Variants in PCGF3 observed in about 807,000 individuals in gnomAD.
The protein encoded by PCGF3 is polycomb group ring finger 3, also known as polycomb group RING finger protein 3.
PCGF3 carries 7 observed loss-of-function variants against 33.1 expected under a neutral mutation model. The ratio of observed to expected loss-of-function variants is 0.21; its 90% confidence interval spans 0.12 to 0.40. The LOEUF (loss-of-function observed/expected upper bound fraction) is 0.40, where lower values mean the gene tolerates loss of function less well. PCGF3 is among the 10% of genes least tolerant of loss of function. The probability of loss-of-function intolerance (pLI) is 1.00; values close to 1 mark genes in which losing one functional copy is unlikely to be tolerated. For missense variants in PCGF3, 211 were observed against 313.3 expected, an observed-to-expected ratio of 0.67 and a Z score of 2.46; for synonymous variants, 153 against 121.3, an observed-to-expected ratio of 1.26 and a Z score of -1.72.
chr4:760,716 C>T (rs376460703), intron 8 of PCGF3, among the ~76,000 whole-genome samples: 1 of 152,224 alleles, frequency 6.6e-6, no homozygotes, highest in South Asian at 2.1e-4. Flanking sequence ...GGTGAAGCCT[C>T]GTCCTGGGCA....
At chr4:709,101 A>G (rs1240056573) in intron 1 of PCGF3, among the ~76,000 whole-genome samples, 1 of 152,176 alleles carries the variant, frequency 6.6e-6, no homozygotes, top group Non-Finnish European at 1.5e-5. Flanking sequence ...GTCTAGTGAC[A>G]TCTTGTCAGG....
At chr4:753,747 A>T (rs960424019) in intron 8 of PCGF3, among the ~76,000 whole-genome samples, 1 of 152,116 alleles carries the variant, frequency 6.6e-6, no homozygotes, top group African/African-American at 2.4e-5. Context: ...CAGGAGTGCG[A>T]GACCAGCCTG....
rs28668630 is a variant in PCGF3 at position 707,682 on chromosome 4, T to C, written c.-190+1712T>C. Among the ~76,000 whole-genome samples, 186 of 51,958 alleles carry C rather than the reference T, an allele frequency of 3.6e-3. 2 individuals carry two copies. The highest frequency in any genetic ancestry group is 4.5e-3 in the Non-Finnish European group (104 of 23,344). 34.1% of individuals were successfully genotyped at this position (51,958 alleles called of 152,430 possible). A position where few individuals can be genotyped will look rare whatever the true frequency, so the allele number is the denominator to read the frequency against. On this transcript the variant is annotated intron_variant, in intron 1 of 10. Transcript: ENST00000362003. ...CTGGGGGTCGGGACCCTGGGACAGCTCTGTTTTCCCCTGGGGGCCGGGACC... is the reference window on the plus strand; with the variant it reads ...CTGGGGGTCGGGACCCTGGGACAGCCCTGTTTTCCCCTGGGGGCCGGGACC...
Position 734,686 on chromosome 4 carries a change from C to G in PCGF3, c.110-245C>G, listed in dbSNP as rs116463821. 1.9e-3 allele frequency: 2,435 copies of G among 1,313,610 alleles called. 4 individuals carry two copies. Among genetic ancestry groups the G allele is most frequent in the Non-Finnish European group, 2.2e-3 (2,297 of 1,030,248 alleles). 81.4% of individuals were successfully genotyped at this position (1,313,610 alleles called of 1,614,324 possible). A position where few individuals can be genotyped will look rare whatever the true frequency, so the allele number is the denominator to read the frequency against. On this transcript the variant is annotated intron_variant, in intron 4 of 10. Transcript: ENST00000362003. The stretch of plus-strand genomic sequence containing the variant: ...TCATCTCCCCATTCTAAGTTTTTTT[C>G]CCACTTAATTCCTAACCCTGCCTCT...
chr4:709,807 G>A (rs1742487957), intron 1 of PCGF3, among the ~76,000 whole-genome samples: 2 of 152,246 alleles, frequency 1.3e-5, no homozygotes, highest in African/African-American at 4.8e-5. Flanking sequence ...AGGGTACTCA[G>A]TGTCAGCCAC....
intron 10 of PCGF3, 137 bp from the exon 11 acceptor site, chr4:765,890 TCAGAA>T (rs1402358144): frequency 2.5e-5 from 18 of 711,464 alleles, no homozygotes; most frequent in African/African-American, 1.2e-4. Flanking sequence ...CTTCTGTTGC[TCAGAA>T]CAGAAGGGTC....
At chr4:736,019 T>G (rs1253454984) in intron 5 of PCGF3, among the ~76,000 whole-genome samples, 1 of 152,136 alleles carries the variant, frequency 6.6e-6, no homozygotes, top group African/African-American at 2.4e-5. Flanking sequence ...ATGTGTTTGT[T>G]TTTCCCTTTT....
intron 1 of PCGF3, among the ~76,000 whole-genome samples, chr4:711,271 CA>C (rs1259998137): frequency 6.6e-6 from 1 of 152,198 alleles, no homozygotes; most frequent in Non-Finnish European, 1.5e-5. Context: ...CAGGGTGCGG[CA>C]GGGGCCCTTT....
chr4:766,943 G>A (rs913715736), exon 11 of PCGF3: 4 of 152,278 alleles, frequency 2.6e-5, no homozygotes, highest in Non-Finnish European at 4.4e-5. Context: ...TCCCTGTTTT[G>A]ATTTTGCTGA....
rs903030161 is a variant in PCGF3, at chr4:720,886, G to A, written c.-189-9744G>A. Among the ~76,000 whole-genome samples the A allele has an allele frequency of 5.3e-5, 8 of 152,312 alleles. No homozygotes were observed. Among genetic ancestry groups the A allele is most frequent in the African/African-American group, 1.9e-4 (8 of 41,566 alleles). ...GATACTGCTCAGACTTGTGTGGAGGGTGAATTAGTGCGAGGGCGGCTTGGA... is the reference window on the plus strand; with the variant it reads ...GATACTGCTCAGACTTGTGTGGAGGATGAATTAGTGCGAGGGCGGCTTGGA... On this transcript the variant is annotated intron_variant, in intron 1 of 10. Coordinates refer to ENST00000362003, the Ensembl canonical transcript of PCGF3. This position sits in a 1 kb window ranked among gnomAD's most constrained non-coding sequence, Gnocchi z 5.6.
intron 7 of PCGF3, chr4:743,975 C>G (rs1199202353): frequency 5.7e-6 from 1 of 175,036 alleles, no homozygotes; most frequent in African/African-American, 2.4e-5. Flanking sequence ...CTGAGGGTAT[C>G]ACAACAAACG....
chr4:718,691 C>G (rs1318932869), intron 1 of PCGF3, among the ~76,000 whole-genome samples: 3 of 152,124 alleles, frequency 2.0e-5, no homozygotes, highest in African/African-American at 4.8e-5. Context: ...CAGGCAACAC[C>G]CTGAGTGGGG....
chr4:716,415 C>T (rs1742841060), intron 1 of PCGF3, among the ~76,000 whole-genome samples: 3 of 141,566 alleles, frequency 2.1e-5, no homozygotes, highest in East Asian at 2.2e-4. Context: ...ACCCTGTAGA[C>T]ACTGAGTGTG....
chr4:738,195 G>A (rs1169773119), intron 6 of PCGF3, among the ~76,000 whole-genome samples: 1 of 152,206 alleles, frequency 6.6e-6, no homozygotes, highest in Non-Finnish European at 1.5e-5. Context: ...ACTTGGGCTG[G>A]TTCTCACTGT....
intron 1 of PCGF3, among the ~76,000 whole-genome samples, chr4:729,213 A>T (rs898536665): frequency 2.0e-5 from 3 of 150,388 alleles, no homozygotes; most frequent in Non-Finnish European, 2.9e-5. Context: ...CCAGTAGTTC[A>T]CGGCCAGCCT....
At chr4:737,602 C>G in intron 6 of PCGF3, 81 bp downstream of exon 6, 1 of 857,498 alleles carries the variant, frequency 1.2e-6, no homozygotes, top group South Asian at 1.4e-5. Flanking sequence ...GTTTGGTTCT[C>G]GGATGGGAGG....
chr4:764,578 C>T (rs899393), intron 9 of PCGF3: 37,002 of 167,498 alleles, frequency 0.22, 4,850 homozygotes, highest in Middle Eastern at 0.35. Context: ...TTGCTCAGTA[C>T]GGCAGGTGTG....
intron 1 of PCGF3, among the ~76,000 whole-genome samples, chr4:727,837 G>A (rs73221118): frequency 0.019 from 2,891 of 152,308 alleles, 53 homozygotes; most frequent in Non-Finnish European, 0.03. Context: ...GCCTGGTTTT[G>A]TCAGGCTCAT....
chr4:761,247 T>C (rs546184258), intron 8 of PCGF3, 32 bp from the exon 9 acceptor site: 2 of 1,543,182 alleles, frequency 1.3e-6, no homozygotes, highest in Non-Finnish European at 1.8e-6. Context: ...GGAACCCTCC[T>C]GCTGCGCTCT....
Sources: gnomAD v4.1 joint callset for allele counts (sites outside exome capture counted in the v4.1 genomes callset) on GRCh38, gnomAD v4.1.1 for gene constraint, Gnocchi (gnomAD v3.1) non-coding constraint, MANE v1.5 for transcripts, NCBI Gene and HGNC (gene_info 2026-07-23, HGNC 2026-07-21) for gene names.